The following PGM3 variants were observed in gnomAD, a reference collection of about 807,000 sequenced individuals.
PGM3 encodes phosphoglucomutase 3.
In PGM3, 40 loss-of-function variants were observed where a neutral mutation model predicts 66.2. The observed-to-expected ratio is 0.60, with a 90% confidence interval of 0.47 to 0.79. The LOEUF is 0.79. PGM3 is among the 30% of genes least tolerant of loss of function. The pLI is 0.00. For missense variants in PGM3, 537 were observed against 643.4 expected (o/e 0.83, Z 1.79); for synonymous variants, 191 against 224.2 (o/e 0.85, Z 1.32).
intron 2 of PGM3, among the ~76,000 whole-genome samples, chr6:83,189,241 G>A (rs1788854930): frequency 6.6e-6 from 1 of 152,176 alleles, no homozygotes; most frequent in Admixed American, 6.5e-5. Context: ...AGGGCACACA[G>A]AGATCCTTCT....
downstream of PGM3, chr6:83,156,234 A>G: frequency 1.4e-6 from 1 of 719,408 alleles, no homozygotes; most frequent in Non-Finnish European, 2.2e-6. Context: ...AAATTTTTCT[A>G]CTGAAACAAT....
intron 1 of PGM3, chr6:83,191,336 T>G: frequency 2.0e-6 from 2 of 988,916 alleles, no homozygotes; most frequent in East Asian, 2.6e-5. Context: ...AAAATGAAGA[T>G]TTTACACCTA....
intron 10 of PGM3, among the ~76,000 whole-genome samples, chr6:83,172,412 CTT>C (rs1297087563): frequency 6.6e-6 from 1 of 152,080 alleles, no homozygotes; most frequent in Non-Finnish European, 1.5e-5. Context: ...GACCTTGTCT[CTT>C]AATAAAAAAC....
At chr6:83,172,665 A>AAAC (rs558981637) in intron 10 of PGM3, among the ~76,000 whole-genome samples, 7 of 151,930 alleles carry the variant, frequency 4.6e-5, no homozygotes, top group African/African-American at 1.2e-4. Context: ...TCTCAAAACA[A>AAAC]AACAACAACA....
Position 83,168,331 on chromosome 6 carries a change from C to G in PGM3, c.*903G>C. 7.1e-7 allele frequency: 1 copy of G among 1,416,756 alleles called. No homozygotes were observed. The highest frequency in any genetic ancestry group is 2.6e-5 in the East Asian group (1 of 38,908). The allele number at this position is 1,416,756 out of a possible 1,614,324, so 87.8% of individuals were successfully genotyped here. A position where few individuals can be genotyped will look rare whatever the true frequency, so the allele number is the denominator to read the frequency against. On this transcript the variant is annotated 3_prime_UTR_variant, in exon 13 of 13. Coordinates refer to ENST00000513973, the MANE Select transcript of PGM3 (RefSeq NM_015599.3). Reference sequence around the variant, plus strand: ...ATAAGAGCAAATGTCTGAATGTGGCCTGAATCAAGTTTAAATATTGTTGGC... The same window carrying G: ...ATAAGAGCAAATGTCTGAATGTGGCGTGAATCAAGTTTAAATATTGTTGGC...
In PGM3 at chr6:83,188,597, G is replaced by GGA. The variant is rs1210674731; in HGVS notation, c.389+16_389+17insTC. 1 of 1,566,652 alleles carries GGA rather than the reference G, an allele frequency of 6.4e-7. No individual in the cohort carries two copies. The highest frequency in any genetic ancestry group is 8.7e-7 in the Non-Finnish European group (1 of 1,145,462). On this transcript the variant is annotated intron_variant, in intron 3 of 12. Transcript: ENST00000513973. ...TTCCCAAAGGTTTTTTTTTTTACCA[G>GGA]TAACTCTTATCATCACCTGGTATCT...
rs780464371 is a variant in PGM3, at chr6:83,190,891, C to A, written c.122G>T (p.Arg41Leu). 1.2e-6 allele frequency: 2 copies of A among 1,614,056 alleles called. No homozygotes were observed. Among genetic ancestry groups the A allele is most frequent in the Non-Finnish European group, 8.5e-7 (1 of 1,179,976 alleles). ...KAEHLDHVMF[R>L]MGLLAVLRSK... ...CCTCAGGACAGCTAATAATCCCATG[C>A]GAAACATGACATGATCAAGATGTTC... Residue 41 changes from arginine (R) to leucine (L), a missense_variant, in exon 2 of 13, where the codon CGC becomes CTC. By Grantham distance (102) the Arg-to-Leu change is moderately radical. Transcript: ENST00000513973.
intron 1 of PGM3, 154 bp downstream of exon 1, chr6:83,193,025 G>T (rs1320775749): frequency 6.6e-6 from 1 of 152,384 alleles, no homozygotes; most frequent in Non-Finnish European, 1.5e-5. Flanking sequence ...GCAGGGGCCT[G>T]TAGGTGTGTC....
At position 83,182,841 on chromosome 6, in the gene PGM3, T is replaced by G. The variant is rs754380992; in HGVS notation, c.591+4A>C. ...ACTTTAACCATGTTCAATAAACTTT[T>G]CACCTGTTTGGTGAGTTCCACAAAA... On this transcript the variant is annotated splice_donor_region_variant and intron_variant, in intron 5 of 12. Transcript: ENST00000513973. 6.2e-7 allele frequency: 1 copy of G among 1,613,016 alleles called. No homozygotes were observed. The highest frequency in any genetic ancestry group is 1.3e-5 in the African/African-American group (1 of 74,926).
At chr6:83,175,181 T>C (rs964382097) in intron 9 of PGM3, among the ~76,000 whole-genome samples, 1 of 152,210 alleles carries the variant, frequency 6.6e-6, no homozygotes, top group African/African-American at 2.4e-5. Context: ...CCACACAGAT[T>C]CATTTAAGCT....
chr6:83,190,870 AG>A lies in PGM3; in HGVS notation c.142del (p.Leu48Ter). 6.2e-7 allele frequency: 1 copy of A among 1,614,144 alleles called. No individual in the cohort carries two copies. The highest frequency in any genetic ancestry group is 8.5e-7 in the Non-Finnish European group (1 of 1,180,022). ...AGTGGATTTTGTCTGTTTTGACCTC[AG>A]GACAGCTAATAATCCCATGCGAAAC... ...VMFRMGLLAV[L>X]RSKQTKSTIG... is the part of the protein sequence containing the mutation. On this transcript the variant is annotated frameshift_variant, in exon 2 of 13. Transcript: ENST00000513973. LOFTEE classifies it high-confidence loss of function.
intron 10 of PGM3, among the ~76,000 whole-genome samples, chr6:83,172,348 G>A (rs1164685078): frequency 1.3e-5 from 2 of 152,128 alleles, no homozygotes; most frequent in Non-Finnish European, 2.9e-5. Context: ...GCTGCAGTGT[G>A]CTGTGATAAT....
At chr6:83,149,798 T>C in the PGM3 span, among the ~76,000 whole-genome samples, 1 of 151,692 alleles carries the variant, frequency 6.6e-6, no homozygotes, top group Admixed American at 6.6e-5. Context: ...GCAAAGGAGA[T>C]AGAAAGGGAA....
chr6:83,179,608 G>C (rs1370087858), intron 7 of PGM3, among the ~76,000 whole-genome samples: 1 of 152,088 alleles, frequency 6.6e-6, no homozygotes, highest in Non-Finnish European at 1.5e-5. Flanking sequence ...AGTATAAGGA[G>C]GAAAAGAGTA....
intron 6 of PGM3, among the ~76,000 whole-genome samples, chr6:83,181,088 C>A (rs1788148432): frequency 6.6e-6 from 1 of 152,160 alleles, no homozygotes; most frequent in Non-Finnish European, 1.5e-5. Flanking sequence ...TTGGCCTAAG[C>A]AAATAATTTA....
chr6:83,171,883 A>T (rs1374347101), intron 11 of PGM3, 54 bp downstream of exon 11: 9 of 1,335,430 alleles, frequency 6.7e-6, no homozygotes, highest in Middle Eastern at 3.6e-4. Flanking sequence ...AATTGGGATA[A>T]TAGGTTTTAC....
At chr6:83,192,467 G>A (rs550406319) in intron 1 of PGM3, among the ~76,000 whole-genome samples, 1 of 152,200 alleles carries the variant, frequency 6.6e-6, no homozygotes, top group East Asian at 1.9e-4. Flanking sequence ...TCATAATTTT[G>A]TTTTCTTTAT....
At position 83,181,868 on chromosome 6, in the gene PGM3, G is replaced by A. The variant is rs750319072; in HGVS notation, c.655C>T (p.Leu219=). ...TAGTGTTCCATTTCCCTTAGCTTCA[G>A]GGCCCCTATGCCATTTGCACAGTCA... is the stretch of plus-strand genomic sequence containing the variant. The part of the protein sequence containing the change: ...KVDCANGIGA[L]KLREMEHYFS... Residue 219 remains leucine (L), a synonymous_variant, in exon 6 of 13, where the codon CTG becomes TTG. Coordinates refer to ENST00000513973, the MANE Select transcript of PGM3 (RefSeq NM_015599.3). 6.2e-7 allele frequency: 1 copy of A among 1,613,942 alleles called. No homozygotes were observed. Among genetic ancestry groups the A allele is most frequent in the South Asian group, 1.1e-5 (1 of 91,068 alleles).
At chr6:83,151,956 G>A in the PGM3 span, 4 of 1,613,864 alleles carry the variant, frequency 2.5e-6, no homozygotes, top group South Asian at 1.1e-5. Flanking sequence ...ACATGGCTGC[G>A]ACGAAATCTT....
Sources: allele counts gnomAD v4.1 joint callset (sites outside exome capture counted in the v4.1 genomes callset), GRCh38; gene constraint gnomAD v4.1.1; transcripts MANE v1.5; gene names NCBI Gene and HGNC (gene_info 2026-07-23, HGNC 2026-07-21).